RFPL1: variants seen among roughly 807,000 people sequenced by gnomAD.
The protein encoded by RFPL1 is ret finger protein-like 1.
RFPL1 carries 6 observed loss-of-function variants against 9.6 expected under a neutral mutation model. The ratio of observed to expected loss-of-function variants is 0.62; its 90% CI spans 0.34 to 1.23. RFPL1 has a LOEUF of 1.23. RFPL1 is among the 50% of genes most tolerant of loss of function. The pLI is 0.03. For synonymous variants in RFPL1, 145 were observed against 149.4 expected (o/e 0.97, Z 0.22); for missense variants, 352 against 398.4 (o/e 0.88, Z 0.99).
exon 2 of RFPL1, chr22:29,442,197 G>A: frequency 9.1e-7 from 1 of 1,100,248 alleles, no homozygotes; most frequent in South Asian, 1.8e-5. Context: ...GCTCTACTCG[G>A]TAAAAGCGTT....
At chr22:29,439,206 C>T (rs1256930820) in intron 1 of RFPL1, 42 bp downstream of exon 1, 2 of 1,577,416 alleles carry the variant, frequency 1.3e-6, no homozygotes, top group Non-Finnish European at 1.7e-6. Context: ...ACGACCAGAC[C>T]AGGAAAAATC....
chr22:29,414,702 T>A, the RFPL1 span, among the ~76,000 whole-genome samples: 1 of 152,186 alleles, frequency 6.6e-6, no homozygotes, highest in Non-Finnish European at 1.5e-5. Context: ...TTAAATCCCC[T>A]GTTAGGAAAT....
chr22:29,439,033 G>C (rs369425454), exon 1 of RFPL1: 3 of 1,614,156 alleles, frequency 1.9e-6, no homozygotes, highest in South Asian at 1.1e-5. Flanking sequence ...TGCTGTTGCT[G>C]TTCCATGGTC....
Position 29,438,654 on chromosome 22 carries a change from GCA to G in RFPL1, c.-135_-134del, listed in dbSNP as rs1327530951. The G allele has an allele frequency of 2.6e-6, 4 of 1,510,810 alleles. No individual in the cohort carries two copies. The highest frequency in any genetic ancestry group is 3.5e-6 in the Non-Finnish European group (4 of 1,126,940). The allele number at this position is 1,510,810 out of a possible 1,614,324, so 93.6% of individuals were successfully genotyped here. The stretch of plus-strand genomic sequence containing the variant: ...GACCCTTCCTCCACCTCAGTTCAGA[GCA>G]CAGTGATGATTCGTGACTTTCTTTC... On this transcript the variant is annotated 5_prime_UTR_variant, in exon 1 of 2. An upstream open reading frame in the 5' UTR gains an earlier in-frame stop. Coordinates refer to ENST00000354373, the Ensembl canonical transcript of RFPL1.
the RFPL1 span, among the ~76,000 whole-genome samples, chr22:29,393,455 A>T: frequency 6.6e-6 from 1 of 152,232 alleles, no homozygotes. Context: ...TGGGTGACAG[A>T]AGTGGGGAAG....
At chr22:29,420,454 C>T in the RFPL1 span, among the ~76,000 whole-genome samples, 1 of 151,976 alleles carries the variant, frequency 6.6e-6, no homozygotes, top group Non-Finnish European at 1.5e-5. Flanking sequence ...CCTCAGCATA[C>T]CGGGTAGCAG....
the RFPL1 span, among the ~76,000 whole-genome samples, chr22:29,424,833 A>ACCCG: frequency 1.0e-4 from 4 of 39,220 alleles, no homozygotes; most frequent in African/African-American, 4.4e-4. Flanking sequence ...TGTCCCTCCC[A>ACCCG]CCCCCCCCCC....
At chr22:29,420,272 A>G in the RFPL1 span, among the ~76,000 whole-genome samples, 1 of 152,240 alleles carries the variant, frequency 6.6e-6, no homozygotes, top group East Asian at 1.9e-4. Context: ...TGGTCCTGCC[A>G]TGGACAGATA....
chr22:29,407,495 AAG>A, the RFPL1 span, among the ~76,000 whole-genome samples: 1 of 151,332 alleles, frequency 6.6e-6, no homozygotes, highest in Non-Finnish European at 1.5e-5. Context: ...TTTTCTTTGT[AAG>A]AATTTCAGTA....
chr22:29,410,324 A>AT, the RFPL1 span, among the ~76,000 whole-genome samples: 1 of 89,262 alleles, frequency 1.1e-5, no homozygotes, highest in South Asian at 4.2e-4. Context: ...AGATATATAT[A>AT]TGTAGATATA....
At chr22:29,388,209 G>A in the RFPL1 span, among the ~76,000 whole-genome samples, 6 of 152,338 alleles carry the variant, frequency 3.9e-5, no homozygotes, top group East Asian at 1.9e-4. Flanking sequence ...GGTGCTGCGG[G>A]TATGGGGCGG....
chr22:29,441,768 T>C lies in RFPL1; in HGVS notation c.600T>C (p.Ser200=), dbSNP rs147773965. The C allele has an allele frequency of 1.4e-5, 23 of 1,613,970 alleles. No individual in the cohort carries two copies. The African/African-American group carries it at 2.9e-4, about 21-fold the overall frequency. The change falls in exon 2 of 2, where the codon TCT becomes TCC. Residue 200 remains serine (S), a synonymous_variant. Transcript: ENST00000354373. ...GGGACCTGGGAGTCTGCAGAGAATC[T>C]GTTCACCGCAAAGGGAGGATCCATC...
chr22:29,437,684 C>T (rs537165751), upstream of RFPL1: 46 of 1,585,682 alleles, frequency 2.9e-5, no homozygotes, highest in East Asian at 1.4e-4. Flanking sequence ...AAGACCTGAG[C>T]GCCCAGTGGA....
the RFPL1 span, among the ~76,000 whole-genome samples, chr22:29,416,846 G>C: frequency 6.6e-6 from 1 of 152,210 alleles, no homozygotes; most frequent in African/African-American, 2.4e-5. Context: ...GGAGGAGCCA[G>C]GTCTGAGAAC....
the RFPL1 span, among the ~76,000 whole-genome samples, chr22:29,427,757 A>G: frequency 6.6e-6 from 1 of 152,118 alleles, no homozygotes; most frequent in Admixed American, 6.5e-5. Flanking sequence ...AAGCAACTCT[A>G]TCTTGGGTGC....
intron 1 of RFPL1, chr22:29,439,412 T>C: frequency 1.8e-6 from 1 of 563,802 alleles, no homozygotes; most frequent in South Asian, 2.3e-5. Context: ...GGCGGGTGGA[T>C]CACGAGGTCA....
the RFPL1 span, among the ~76,000 whole-genome samples, chr22:29,406,931 T>G: frequency 6.6e-6 from 1 of 152,222 alleles, no homozygotes; most frequent in Non-Finnish European, 1.5e-5. Context: ...TCCAGTTTAT[T>G]CATTCAGTGC....
At chr22:29,435,012 T>C (rs1338996875), upstream of RFPL1, 1 of 152,240 alleles carries the variant, frequency 6.6e-6, no homozygotes, top group Non-Finnish European at 1.5e-5. Context: ...AATAAACTTT[T>C]AGCCACAAAA....
At chr22:29,435,529 G>C (rs1207416613), upstream of RFPL1, among the ~76,000 whole-genome samples, 1 of 152,166 alleles carries the variant, frequency 6.6e-6, no homozygotes, top group East Asian at 1.9e-4. Flanking sequence ...CCAGCAGAGA[G>C]CAAACCCCAA....
Sources: gnomAD v4.1 joint callset for allele counts (sites outside exome capture counted in the v4.1 genomes callset) on GRCh38, gnomAD v4.1.1 for gene constraint, MANE v1.5 for transcripts, NCBI Gene and HGNC (gene_info 2026-07-23, HGNC 2026-07-21) for gene names.